Variants in COLEC10 observed in about 807,000 individuals in gnomAD.
COLEC10 encodes the protein collectin subfamily member 10.
COLEC10 carries 22 observed loss-of-function variants against 28.4 expected under a neutral mutation model. That is an observed-to-expected ratio of 0.78 (90% CI 0.55 to 1.11). COLEC10 has a LOEUF of 1.11. Ranked by LOEUF, COLEC10 falls within the 50% of genes least tolerant of loss-of-function variation. The pLI, the probability that COLEC10 is intolerant of heterozygous loss-of-function variation, is 0.00. For synonymous variants in COLEC10, 125 were observed against 116.1 expected, an observed-to-expected ratio of 1.08 and a Z score of -0.49; for missense variants, 361 against 344.1, an observed-to-expected ratio of 1.05 and a Z score of -0.39.
At chr8:119,024,943 G>A (rs536932505) in intron 2 of COLEC10, among the ~76,000 whole-genome samples, 5 of 152,142 alleles carry the variant, frequency 3.3e-5, no homozygotes, top group South Asian at 2.1e-4. Flanking sequence ...GAAGAGATCC[G>A]GGCAAGATAA....
upstream of COLEC10, among the ~76,000 whole-genome samples, chr8:118,994,653 C>G (rs1031179415): frequency 1.3e-5 from 2 of 152,098 alleles, no homozygotes; most frequent in African/African-American, 4.8e-5. Context: ...GTCTTTGTCT[C>G]TGGAGTCCTT....
At chr8:119,006,719 C>T (rs921680859) in intron 1 of COLEC10, among the ~76,000 whole-genome samples, 4 of 151,904 alleles carry the variant, frequency 2.6e-5, no homozygotes, top group African/African-American at 4.8e-5. Flanking sequence ...ATGGATATTG[C>T]CTATCATCAT....
the COLEC10 span, among the ~76,000 whole-genome samples, chr8:118,955,839 G>T: frequency 6.6e-6 from 1 of 152,186 alleles, no homozygotes; most frequent in African/African-American, 2.4e-5. Context: ...GGACTGAAGA[G>T]GTGAGTAGAC....
chr8:119,019,057 C>T (rs575380150), intron 2 of COLEC10, among the ~76,000 whole-genome samples: 11 of 152,242 alleles, frequency 7.2e-5, no homozygotes, highest in South Asian at 2.1e-4. Context: ...TGCAGTTACC[C>T]GCATCCAACA....
intron 1 of COLEC10, among the ~76,000 whole-genome samples, chr8:119,074,761 T>C (rs987486752): frequency 1.3e-5 from 2 of 152,226 alleles, no homozygotes; most frequent in African/African-American, 2.4e-5. Context: ...TCGCTGATAT[T>C]GCTTCCTTTC....
the COLEC10 span, among the ~76,000 whole-genome samples, chr8:118,974,554 T>C: frequency 4.6e-3 from 703 of 152,098 alleles, 5 homozygotes; most frequent in African/African-American, 0.015. Context: ...AATTGTCTTG[T>C]TCTGGGAACA....
At chr8:119,056,445 C>A (rs1020134884) in intron 2 of COLEC10, among the ~76,000 whole-genome samples, 3 of 152,044 alleles carry the variant, frequency 2.0e-5, no homozygotes, top group Non-Finnish European at 2.9e-5. Context: ...TCTTGATCCA[C>A]AACCTTTCCC....
intron 2 of COLEC10, among the ~76,000 whole-genome samples, chr8:119,031,073 C>T (rs1432766271): frequency 1.3e-5 from 2 of 152,164 alleles, no homozygotes; most frequent in Non-Finnish European, 2.9e-5. Context: ...TTAAACGTCT[C>T]TGGAATTGTG....
chr8:119,088,426 A>T (rs1815526037), intron 1 of COLEC10, among the ~76,000 whole-genome samples: 1 of 152,148 alleles, frequency 6.6e-6, no homozygotes, highest in Admixed American at 6.5e-5. Context: ...TCTTCCATAC[A>T]TTGTCCTTGC....
chr8:118,957,360 G>A, the COLEC10 span, among the ~76,000 whole-genome samples: 9 of 152,314 alleles, frequency 5.9e-5, no homozygotes, highest in East Asian at 1.9e-4. Flanking sequence ...TAATGGTGAC[G>A]GCTATGAAGG....
intron 2 of COLEC10, among the ~76,000 whole-genome samples, chr8:119,056,762 C>T (rs1230121685): frequency 6.6e-6 from 1 of 151,940 alleles, no homozygotes; most frequent in Non-Finnish European, 1.5e-5. Flanking sequence ...CTAATATTGG[C>T]ATTCTTTTTA....
At chr8:119,068,665 C>T (rs1175817133) in intron 1 of COLEC10, 4 of 152,116 alleles carry the variant, frequency 2.6e-5, no homozygotes, top group African/African-American at 9.7e-5. Flanking sequence ...TCTCCCTTCC[C>T]ATTTTCCCAT....
the COLEC10 span, among the ~76,000 whole-genome samples, chr8:118,980,831 A>T: frequency 6.6e-6 from 1 of 152,050 alleles, no homozygotes; most frequent in Admixed American, 6.6e-5. Context: ...TCTTCCCATT[A>T]TGTAAATTGT....
intron 1 of COLEC10, among the ~76,000 whole-genome samples, chr8:119,004,010 C>A (rs895503402): frequency 6.6e-6 from 1 of 152,000 alleles, no homozygotes; most frequent in African/African-American, 2.4e-5. Flanking sequence ...AATAATAACC[C>A]TAGGACTTAC....
the COLEC10 span, among the ~76,000 whole-genome samples, chr8:118,960,785 G>GGAAAAAAAAAA: frequency 5.5e-5 from 4 of 72,556 alleles, no homozygotes; most frequent in African/African-American, 2.0e-4. Context: ...GAGACTCTGT[G>GGAAAAAAAAAA]AAAAAAAAAA....
chr8:118,976,477 A>T, the COLEC10 span: 3 of 152,186 alleles, frequency 2.0e-5, no homozygotes, highest in African/African-American at 7.2e-5. Flanking sequence ...AGTTGAGATA[A>T]ATTTATATAC....
At chr8:119,041,555 T>C (rs761627724) in intron 2 of COLEC10, among the ~76,000 whole-genome samples, 7 of 152,144 alleles carry the variant, frequency 4.6e-5, no homozygotes, top group Non-Finnish European at 7.4e-5. Flanking sequence ...ATGACCCCAA[T>C]ATACTACTTG....
intron 2 of COLEC10, among the ~76,000 whole-genome samples, chr8:119,046,541 G>T (rs1427435790): frequency 2.6e-5 from 4 of 152,106 alleles, no homozygotes; most frequent in Middle Eastern, 6.3e-3. Flanking sequence ...AATATTGGCT[G>T]CATCTTATTT....
At chr8:118,970,198 T>G in the COLEC10 span, among the ~76,000 whole-genome samples, 1 of 152,036 alleles carries the variant, frequency 6.6e-6, no homozygotes, top group Non-Finnish European at 1.5e-5. Flanking sequence ...CAGATGTATC[T>G]TGAGTTTAAT....
Sources: allele counts gnomAD v4.1 joint callset (sites outside exome capture counted in the v4.1 genomes callset), GRCh38; gene constraint gnomAD v4.1.1; transcripts MANE v1.5; gene names NCBI Gene and HGNC (gene_info 2026-07-23, HGNC 2026-07-21).